Variants in RLN1 observed in about 807,000 individuals in gnomAD.
RLN1 encodes the protein prorelaxin H1.
RLN1 carries 4 observed loss-of-function variants against 7.2 expected under a neutral mutation model. The observed-to-expected ratio is 0.56, with a 90% CI of 0.28 to 1.28. The LOEUF (loss-of-function observed/expected upper bound fraction) is 1.28, where lower values mean the gene tolerates loss of function less well. RLN1 is among the 50% of genes most tolerant of loss of function. The pLI is 0.11. For synonymous variants in RLN1, 105 were observed against 86.0 expected (o/e 1.22, Z -1.22); for missense variants, 293 against 221.1 (o/e 1.32, Z -2.06).
chr9:5,336,829 G>T (rs1190651946), intron 1 of RLN1, among the ~76,000 whole-genome samples: 1 of 151,846 alleles, frequency 6.6e-6, no homozygotes, highest in Non-Finnish European at 1.5e-5. Flanking sequence ...GCAGACACCT[G>T]GTTAACCACT....
rs1816956629 is a variant in RLN1 at position 5,339,861 on chromosome 9, A to T, written c.-115T>A. On this transcript the variant is annotated 5_prime_UTR_variant, in exon 1 of 2. Transcript: ENST00000223862. ...TCCCGGGCTTTAGGCTGCTTTCCCT[A>T]CCCGGCTCAACCAGTCTTTAGTATG... The T allele has an allele frequency of 9.8e-7, 1 of 1,023,150 alleles. No homozygotes were observed. Among genetic ancestry groups the T allele is most frequent in the Admixed American group, 2.2e-5 (1 of 46,038 alleles). 63.4% of individuals were successfully genotyped at this position (1,023,150 alleles called of 1,614,324 possible). A position where few individuals can be genotyped will look rare whatever the true frequency, so the allele number is the denominator to read the frequency against.
rs189739898 is a variant in RLN1 at position 5,335,023 on chromosome 9, C to A, written c.*228G>T. 29 of 397,544 alleles carry A rather than the reference C, an allele frequency of 7.3e-5. No individual in the cohort carries two copies. The highest frequency in any genetic ancestry group is 6.4e-4 in the Middle Eastern group (1 of 1,558). The allele number at this position is 397,544 out of a possible 1,614,324, so 24.6% of individuals were successfully genotyped here. On this transcript the variant is annotated 3_prime_UTR_variant, in exon 2 of 2. Transcript: ENST00000223862. ...AGTTAACAGCATTAAAAAGAATCAA[C>A]ACAATTATACTGTTAATAAAAAGAC...
chr9:5,335,350 C>G lies in RLN1; in HGVS notation c.459G>C (p.Leu153Phe). 6 of 1,613,472 alleles carry G rather than the reference C, an allele frequency of 3.7e-6. No individual in the cohort carries two copies. In the South Asian group the frequency reaches 4.4e-5, roughly 12 times the overall value. Residue 153 changes from leucine (L) to phenylalanine (F), a missense_variant, in exon 2 of 2, where the codon TTG (leucine) becomes TTC (phenylalanine). Leu to Phe is a conservative substitution (Grantham distance 22). Coordinates refer to ENST00000223862, the MANE Select transcript of RLN1 (RefSeq NM_006911.4). ...GTCTCTTTTTTTGAGAATGAGTATCCAAGCCTAAGTATTTTAATTCTGAAG... is the reference window on the plus strand; with the variant it reads ...GTCTCTTTTTTTGAGAATGAGTATCGAAGCCTAAGTATTTTAATTCTGAAG... ...SNPSELKYLG[L>F]DTHSQKKRRP...
At position 5,339,716 on chromosome 9, in the gene RLN1, C is replaced by T; in HGVS notation, c.31G>A (p.Glu11Lys). The change falls in exon 1 of 2, where the codon GAA (glutamate) becomes AAA (lysine). Residue 11 changes from glutamate to lysine, a missense_variant. By Grantham distance (56) the Glu-to-Lys change is moderately conservative. Transcript: ENST00000223862. MPRLFLFHLL[E>K]FCLLLNQFSR... ...AATTGGTTCAGTAGTAAACAGAATT[C>T]TAGCAGGTGGAACAAGAACAGGCGA... The T allele has an allele frequency of 1.2e-6, 2 of 1,613,464 alleles. No individual in the cohort carries two copies. Among genetic ancestry groups the T allele is most frequent in the Non-Finnish European group, 1.7e-6 (2 of 1,180,024 alleles).
chr9:5,337,767 A>G (rs1246917137), intron 1 of RLN1, among the ~76,000 whole-genome samples: 4 of 152,070 alleles, frequency 2.6e-5, no homozygotes, highest in Admixed American at 6.6e-5. Context: ...GCATAGCAAT[A>G]AAGAAAATTC....
chr9:5,335,875 T>C (rs1434880007), intron 1 of RLN1, among the ~76,000 whole-genome samples: 2 of 151,970 alleles, frequency 1.3e-5, no homozygotes, highest in African/African-American at 2.4e-5. Context: ...TACTTTTGAC[T>C]CTCCCTGACA....
chr9:5,335,740 T>C, intron 1 of RLN1, 143 bp from the exon 2 acceptor site: 2 of 620,192 alleles, frequency 3.2e-6, no homozygotes, highest in South Asian at 4.2e-5. Context: ...AGCATCCTAA[T>C]ATCTAAACAC....
rs371226715 is a variant in RLN1 at position 5,335,469 on chromosome 9, G to T, written c.340C>A (p.Gln114Lys). 1 of 1,613,474 alleles carries T rather than the reference G, an allele frequency of 6.2e-7. No homozygotes were observed. The highest frequency in any genetic ancestry group is 8.5e-7 in the Non-Finnish European group (1 of 1,179,568). ...GAATCCTTTAATGCAGGTACATACTGCTGTAGCTCTGGTAATGATGGTTGC... is the reference window on the plus strand; with the variant it reads ...GAATCCTTTAATGCAGGTACATACTTCTGTAGCTCTGGTAATGATGGTTGC... ...ERQPSLPELQ[Q>K]YVPALKDSNL... The change falls in exon 2 of 2, where the codon CAG (glutamine) becomes AAG (lysine). Residue 114 changes from glutamine to lysine, a missense_variant. Transcript: ENST00000223862.
At chr9:5,337,470 A>G (rs1261177582) in intron 1 of RLN1, among the ~76,000 whole-genome samples, 1 of 152,034 alleles carries the variant, frequency 6.6e-6, no homozygotes, top group Non-Finnish European at 1.5e-5. Flanking sequence ...TGTATTTTGG[A>G]TGCAAATCTT....
At chr9:5,340,774 C>A (rs562565953), upstream of RLN1, among the ~76,000 whole-genome samples, 56 of 152,268 alleles carry the variant, frequency 3.7e-4, no homozygotes, top group African/African-American at 1.3e-3. Context: ...GACCCTTCTA[C>A]CTGTAAATTT....
chr9:5,339,345 CTG>C, intron 1 of RLN1, 189 bp downstream of exon 1: 1 of 495,932 alleles, frequency 2.0e-6, no homozygotes, highest in Non-Finnish European at 3.4e-6. Context: ...CCCAGTGAGA[CTG>C]TTTGAATAAA....
intron 1 of RLN1, among the ~76,000 whole-genome samples, chr9:5,336,478 C>T (rs1204262192): frequency 6.6e-6 from 1 of 152,010 alleles, no homozygotes; most frequent in Non-Finnish European, 1.5e-5. Context: ...CAGCTGACAT[C>T]TTACTCCATC....
At position 5,339,775 on chromosome 9, in the gene RLN1, G is replaced by A; in HGVS notation, c.-29C>T. 1 of 1,610,798 alleles carries A rather than the reference G, an allele frequency of 6.2e-7. No homozygotes were observed. Among genetic ancestry groups the A allele is most frequent in the Non-Finnish European group, 8.5e-7 (1 of 1,177,652 alleles). ...GGGCCTGGTCTCTCCTGGAGGTCTG[G>A]GTGTTGCAGCCTTTCAGGACTGCGG... On this transcript the variant is annotated 5_prime_UTR_variant, in exon 1 of 2. Coordinates refer to ENST00000223862, the MANE Select transcript of RLN1 (RefSeq NM_006911.4).
In RLN1 at chr9:5,335,283, A is replaced by G. The variant is rs764635367; in HGVS notation, c.526T>C (p.Cys176Arg). 3 of 1,597,494 alleles carry G rather than the reference A, an allele frequency of 1.9e-6. No homozygotes were observed. ...TATTTAGCAAGAGACCTTTTGGTAC[A>G]ACCAATTAGGCAACATTTCTCAAAC... is the stretch of plus-strand genomic sequence containing the variant. ...ALFEKCCLIG[C>R]TKRSLAKYC is the part of the protein sequence containing the mutation. Residue 176 changes from cysteine (C) to arginine (R), a missense_variant, in exon 2 of 2, where the codon TGT (cysteine) becomes CGT (arginine). Cys to Arg is a radical substitution (Grantham distance 180). Transcript: ENST00000223862.
At position 5,335,438 on chromosome 9, in the gene RLN1, A is replaced by C; in HGVS notation, c.371T>G (p.Leu124Arg). The change falls in exon 2 of 2, where the codon CTT (leucine) becomes CGT (arginine). Residue 124 changes from leucine (L) to arginine (R), a missense_variant. Coordinates refer to ENST00000223862, the MANE Select transcript of RLN1 (RefSeq NM_006911.4). ...QYVPALKDSN[L>R]SFEEFKKLIR... ...AAGTTTCTTAAATTCTTCAAAGCTA[A>C]GATTGGAATCCTTTAATGCAGGTAC... The C allele has an allele frequency of 6.2e-7, 1 of 1,613,782 alleles. No homozygotes were observed. The highest frequency in any genetic ancestry group is 8.5e-7 in the Non-Finnish European group (1 of 1,179,838).
Position 5,335,088 on chromosome 9 carries a change from A to G in RLN1, c.*163T>C. 1 of 509,286 alleles carries G rather than the reference A, an allele frequency of 2.0e-6. No homozygotes were observed. Among genetic ancestry groups the G allele is most frequent in the Non-Finnish European group, 3.4e-6 (1 of 293,784 alleles). The allele number at this position is 509,286 out of a possible 1,614,324, so 31.5% of individuals were successfully genotyped here. On this transcript the variant is annotated 3_prime_UTR_variant, in exon 2 of 2. Transcript: ENST00000223862. ...ATAGAAAGTGTCATTTACAGAAACT[A>G]CAATCATACAAAGAATATTTTCTTA... is the stretch of plus-strand genomic sequence containing the variant.
chr9:5,335,317 G>T lies in RLN1; in HGVS notation c.492C>A (p.Tyr164Ter). Residue 164 changes from tyrosine to a stop codon, truncating the protein, a stop_gained, in exon 2 of 2, where the codon TAC becomes TAA. Transcript: ENST00000223862. LOFTEE classifies it low-confidence loss of function (END_TRUNC). ...GGCAACATTTCTCAAACAGTGCCAC[G>T]TAGGGTCGTCTCTTTTTTTGAGAAT... ...DTHSQKKRRP[Y>*]VALFEKCCLI... is the part of the protein sequence containing the mutation. 1 of 1,611,630 alleles carries T rather than the reference G, an allele frequency of 6.2e-7. No individual in the cohort carries two copies. The highest frequency in any genetic ancestry group is 8.5e-7 in the Non-Finnish European group (1 of 1,179,344).
At chr9:5,337,728 T>G (rs1816927350) in intron 1 of RLN1, among the ~76,000 whole-genome samples, 1 of 152,058 alleles carries the variant, frequency 6.6e-6, no homozygotes, top group Admixed American at 6.6e-5. Flanking sequence ...GGCAATATTT[T>G]CTGAGGTTAC....
chr9:5,336,087 C>G (rs2131031231), intron 1 of RLN1, among the ~76,000 whole-genome samples: 1 of 152,068 alleles, frequency 6.6e-6, no homozygotes, highest in African/African-American at 2.4e-5. Flanking sequence ...GAATTTACTC[C>G]TGGAGGATAA....
Sources: allele counts gnomAD v4.1 joint callset (sites outside exome capture counted in the v4.1 genomes callset), GRCh38; gene constraint gnomAD v4.1.1; transcripts MANE v1.5; gene names NCBI Gene and HGNC (gene_info 2026-07-23, HGNC 2026-07-21).